The following SULF2 variants were observed in gnomAD, a reference collection of about 807,000 sequenced individuals.
The protein encoded by SULF2 is sulfatase 2.
In SULF2, 52 loss-of-function variants were observed where a neutral mutation model predicts 107.7. The ratio of observed to expected loss-of-function variants is 0.48; its 90% CI spans 0.39 to 0.61. The LOEUF (loss-of-function observed/expected upper bound fraction) is 0.61. SULF2 is among the 20% of genes least tolerant of loss of function. SULF2 has a pLI of 0.00. For synonymous variants in SULF2, 460 were observed against 464.3 expected, an observed-to-expected ratio of 0.99 and a Z score of 0.12; for missense variants, 993 against 1,177.3, an observed-to-expected ratio of 0.84 and a Z score of 2.29.
At chr20:47,752,461 G>A (rs55685365) in intron 2 of SULF2, among the ~76,000 whole-genome samples, 6,350 of 151,966 alleles carry the variant, frequency 0.042, 182 homozygotes, top group Non-Finnish European at 0.063. Context: ...TGGGTGCAGC[G>A]GCTCGCACCT....
Position 47,666,062 on chromosome 20 carries a change from C to A in SULF2, c.1806-109G>T, listed in dbSNP as rs202179191. On this transcript the variant is annotated intron_variant, in intron 12 of 20. Transcript: ENST00000688720. This position sits in a 1 kb window ranked among gnomAD's most constrained non-coding sequence, Gnocchi z 5.4. ...GCCGAGGTCTGTCCTGTCCCCTTCA[C>A]CCTCGACTTCCACCTGGACACTCAC... 4 of 1,593,296 alleles carry A rather than the reference C, an allele frequency of 2.5e-6. No homozygotes were observed. The African/African-American group carries it at 4.0e-5, about 16-fold the overall frequency.
Position 47,665,928 on chromosome 20 carries a change from C to G in SULF2, c.1831G>C (p.Val611Leu). ...HRCYILENDT[V>L]QCDLDLYKSL... ...TTGTACAGGTCCAGGTCACACTGGA[C>G]TGTGTCGTTCTCTAGGATGTAGCAC... The change falls in exon 13 of 21, where the codon GTC becomes CTC. Residue 611 changes from valine (V) to leucine (L), a missense_variant. By Grantham distance (32) the Val-to-Leu change is conservative. Coordinates refer to ENST00000688720, the MANE Select transcript of SULF2 (RefSeq NM_001387048.1). 1.2e-6 allele frequency: 2 copies of G among 1,614,126 alleles called. No individual in the cohort carries two copies. Among genetic ancestry groups the G allele is most frequent in the Non-Finnish European group, 1.7e-6 (2 of 1,180,022 alleles).
At chr20:47,767,029 ATACT>A (rs1005214431) in intron 1 of SULF2, among the ~76,000 whole-genome samples, 1 of 152,040 alleles carries the variant, frequency 6.6e-6, no homozygotes, top group African/African-American at 2.4e-5. Flanking sequence ...AAACAGCCTG[ATACT>A]TACTTGGGGG....
chr20:47,682,888 C>T (rs377182522), intron 7 of SULF2, 106 bp downstream of exon 7: 59 of 1,198,636 alleles, frequency 4.9e-5, no homozygotes, highest in African/African-American at 4.1e-4. Context: ...GGTACATCTG[C>T]GAAAACTGTG....
chr20:47,733,123 G>A (rs185099354), intron 3 of SULF2, among the ~76,000 whole-genome samples: 3 of 152,232 alleles, frequency 2.0e-5, no homozygotes, highest in African/African-American at 7.2e-5. Flanking sequence ...TTAAAATGAC[G>A]CTGGAAGATA....
At chr20:47,765,324 A>T (rs1165422505) in intron 1 of SULF2, among the ~76,000 whole-genome samples, 2 of 151,518 alleles carry the variant, frequency 1.3e-5, no homozygotes, top group Non-Finnish European at 2.9e-5. Flanking sequence ...ACTGTACTCC[A>T]GCCTGGGTGA....
chr20:47,771,689 C>T (rs1479839573), intron 1 of SULF2, among the ~76,000 whole-genome samples: 1 of 151,800 alleles, frequency 6.6e-6, no homozygotes, highest in African/African-American at 2.4e-5. Context: ...CAGGTATTGG[C>T]TTGTCAGTGG....
intron 2 of SULF2, among the ~76,000 whole-genome samples, chr20:47,744,445 C>T (rs1437939214): frequency 6.6e-6 from 1 of 152,108 alleles, no homozygotes; most frequent in South Asian, 2.1e-4. Flanking sequence ...ATAAATGCAG[C>T]AAGAGGGCCA....
At chr20:47,689,921 C>CTGT (rs2088139154) in intron 5 of SULF2, 1 of 441,738 alleles carries the variant, frequency 2.3e-6, no homozygotes, top group Non-Finnish European at 3.7e-6. Flanking sequence ...GTTAAAAATT[C>CTGT]TCCTGCCTTG....
intron 1 of SULF2, among the ~76,000 whole-genome samples, chr20:47,763,330 G>A (rs1336657860): frequency 7.9e-6 from 1 of 126,918 alleles, no homozygotes; most frequent in Non-Finnish European, 1.6e-5. Flanking sequence ...CAAGAGGAAC[G>A]GGTCTGAGTG....
At chr20:47,685,915 T>C (rs1242802660) in intron 5 of SULF2, 1 of 152,222 alleles carries the variant, frequency 6.6e-6, no homozygotes, top group Non-Finnish European at 1.5e-5. Flanking sequence ...TATGATGATA[T>C]CATGGCAGTG....
intron 19 of SULF2, 66 bp from the exon 20 acceptor site, chr20:47,659,518 G>A (rs1465083814): frequency 1.3e-6 from 2 of 1,557,882 alleles, no homozygotes; most frequent in African/African-American, 1.4e-5. Flanking sequence ...AGTCCCCAAA[G>A]AACTATACAA....
At chr20:47,664,064 T>C in intron 15 of SULF2, 66 bp downstream of exon 15, 2 of 1,543,206 alleles carry the variant, frequency 1.3e-6, no homozygotes, top group Non-Finnish European at 1.8e-6. Context: ...AGTTTTAGCT[T>C]AAGGGAGGGC....
At chr20:47,762,265 A>C (rs910762874) in intron 1 of SULF2, among the ~76,000 whole-genome samples, 5 of 152,250 alleles carry the variant, frequency 3.3e-5, no homozygotes, top group African/African-American at 1.2e-4. Flanking sequence ...ACGTTCCTTC[A>C]GAGAGACAGA....
chr20:47,682,620 C>A (rs1023032031), intron 7 of SULF2, among the ~76,000 whole-genome samples: 1 of 152,164 alleles, frequency 6.6e-6, no homozygotes, highest in East Asian at 1.9e-4. Flanking sequence ...CAACCAGCTG[C>A]CTGTGCTGTG....
intron 11 of SULF2, among the ~76,000 whole-genome samples, chr20:47,671,147 A>G (rs908840743): frequency 7.9e-5 from 12 of 152,152 alleles, no homozygotes; most frequent in African/African-American, 2.7e-4. Context: ...GGCTGGGTCT[A>G]GAAGAGTCCC....
Position 47,757,310 on chromosome 20 carries a change from C to A in SULF2, c.54G>T (p.Leu18=), listed in dbSNP as rs376938380. The change falls in exon 2 of 21, where the codon CTG becomes CTT. Residue 18 remains leucine (L), a synonymous_variant. Transcript: ENST00000688720. The part of the protein sequence containing the change: ...LCLLSATVFS[L]LGGSSAFLSH... ...ACAGGAAGGCCGAGCTTCCACCCAG[C>A]AGGGAGAACACAGTTGCGGACAGCA... is the stretch of plus-strand genomic sequence containing the variant. The A allele has an allele frequency of 4.4e-6, 7 of 1,601,274 alleles. No homozygotes were observed. Among genetic ancestry groups the A allele is most frequent in the Non-Finnish European group, 6.0e-6 (7 of 1,173,614 alleles).
chr20:47,703,494 A>G (rs1452576387), intron 3 of SULF2, among the ~76,000 whole-genome samples: 1 of 152,228 alleles, frequency 6.6e-6, no homozygotes, highest in African/African-American at 2.4e-5. Flanking sequence ...AATGGCTAAC[A>G]TTAAAGAAAT....
chr20:47,744,040 T>C (rs1339590806), intron 2 of SULF2, among the ~76,000 whole-genome samples: 3 of 152,074 alleles, frequency 2.0e-5, no homozygotes, highest in Admixed American at 1.3e-4. Context: ...AAATGAAGAG[T>C]AAACATTCTT....
Sources: allele counts gnomAD v4.1 joint callset (sites outside exome capture counted in the v4.1 genomes callset), GRCh38; gene constraint gnomAD v4.1.1; non-coding constraint Gnocchi (gnomAD v3.1); transcripts MANE v1.5; gene names NCBI Gene and HGNC (gene_info 2026-07-23, HGNC 2026-07-21).